DPP6: variants seen among roughly 807,000 people sequenced by gnomAD.
DPP6 encodes A-type potassium channel modulatory protein DPP6.
DPP6 carries 69 observed loss-of-function variants against 122.6 expected under a neutral mutation model. The ratio of observed to expected loss-of-function variants is 0.56; its 90% CI spans 0.46 to 0.69. DPP6 has a LOEUF of 0.69. Among genes scored for constraint, DPP6 ranks in the 30% least tolerant of loss-of-function variants. The pLI, the probability that DPP6 is intolerant of heterozygous loss-of-function variation, is 0.00. For missense variants in DPP6, 928 were observed against 1,116.9 expected, an observed-to-expected ratio of 0.83 and a Z score of 2.41; for synonymous variants, 418 against 433.1, an observed-to-expected ratio of 0.97 and a Z score of 0.43.
intron 1 of DPP6, among the ~76,000 whole-genome samples, chr7:154,302,406 G>A (rs992824930): frequency 1.3e-5 from 2 of 152,180 alleles, no homozygotes; most frequent in Admixed American, 6.5e-5. Flanking sequence ...TATGTAAAAA[G>A]GTGGGCAGCT....
At chr7:154,709,834 A>G (rs1841065514) in intron 7 of DPP6, among the ~76,000 whole-genome samples, 1 of 152,148 alleles carries the variant, frequency 6.6e-6, no homozygotes, top group Non-Finnish European at 1.5e-5. Flanking sequence ...AATTCCCACC[A>G]TCATCCAGTT....
chr7:154,740,298 CTTTT>C (rs11286104), intron 8 of DPP6, among the ~76,000 whole-genome samples: 1 of 143,528 alleles, frequency 7.0e-6, no homozygotes. Context: ...ACTCTAATTT[CTTTT>C]TTTTTTTTTT....
chr7:154,382,101 C>A (rs1333707256), intron 1 of DPP6, among the ~76,000 whole-genome samples: 1 of 137,368 alleles, frequency 7.3e-6, no homozygotes, highest in Non-Finnish European at 1.5e-5. Flanking sequence ...ATGATCTCTG[C>A]AGAAGCAGCA....
chr7:154,088,755 G>C (rs1804609667), intron 1 of DPP6, among the ~76,000 whole-genome samples: 2 of 152,112 alleles, frequency 1.3e-5, no homozygotes, highest in South Asian at 4.2e-4. Context: ...AGTTCTAGGA[G>C]ACACATTTTT....
the DPP6 span, among the ~76,000 whole-genome samples, chr7:153,839,584 A>C: frequency 6.6e-6 from 1 of 152,210 alleles, no homozygotes; most frequent in Non-Finnish European, 1.5e-5. Flanking sequence ...TCCTTTCTGA[A>C]GTCACAGCTG....
intron 1 of DPP6, among the ~76,000 whole-genome samples, chr7:154,230,194 G>T (rs543533852): frequency 2.0e-4 from 30 of 152,088 alleles, no homozygotes; most frequent in Non-Finnish European, 4.1e-4. Flanking sequence ...ATATGGATCT[G>T]ATGGTATGCA....
chr7:154,074,885 A>T (rs1334146172), intron 1 of DPP6, among the ~76,000 whole-genome samples: 1 of 151,468 alleles, frequency 6.6e-6, no homozygotes, highest in Non-Finnish European at 1.5e-5. Context: ...AGCGGGAGAA[A>T]ATATTTGCAA....
chr7:154,726,215 G>A (rs544705571), intron 7 of DPP6, among the ~76,000 whole-genome samples: 36 of 152,282 alleles, frequency 2.4e-4, no homozygotes, highest in South Asian at 1.4e-3. Context: ...AGCTCCACTA[G>A]GCAGTGCCCC....
At chr7:153,810,738 T>A in the DPP6 span, among the ~76,000 whole-genome samples, 1 of 147,498 alleles carries the variant, frequency 6.8e-6, no homozygotes, top group Non-Finnish European at 1.5e-5. Flanking sequence ...ATACCTATTC[T>A]ATGGCACATG....
chr7:153,989,821 G>C (rs1797063800), intron 1 of DPP6, among the ~76,000 whole-genome samples: 1 of 151,922 alleles, frequency 6.6e-6, no homozygotes, highest in South Asian at 2.1e-4. Context: ...CCAGGATAGG[G>C]ACAGCATGTC....
chr7:154,678,225 A>G (rs1307220514), intron 7 of DPP6, among the ~76,000 whole-genome samples: 2 of 152,334 alleles, frequency 1.3e-5, no homozygotes, highest in Non-Finnish European at 1.5e-5. Flanking sequence ...AAAGCTGGCC[A>G]CCGCCGCCCA....
At chr7:154,443,532 A>G (rs201424658) in intron 1 of DPP6, among the ~76,000 whole-genome samples, 1 of 101,644 alleles carries the variant, frequency 9.8e-6, no homozygotes, top group African/African-American at 6.4e-5. Flanking sequence ...GGATGGATGG[A>G]TGGATGGATG....
At chr7:154,390,842 T>C (rs1447134745) in intron 1 of DPP6, among the ~76,000 whole-genome samples, 1 of 152,132 alleles carries the variant, frequency 6.6e-6, no homozygotes, top group African/African-American at 2.4e-5. Context: ...CCCTCCCGAC[T>C]ACTCCTGTGC....
At chr7:154,547,213 C>T (rs914357843) in intron 4 of DPP6, among the ~76,000 whole-genome samples, 11 of 152,188 alleles carry the variant, frequency 7.2e-5, no homozygotes, top group African/African-American at 2.4e-4. Flanking sequence ...CAGCAATGGC[C>T]CATGAGCCAT....
Position 154,757,985 on chromosome 7 carries a change from C to T in DPP6, c.884-11432C>T, listed in dbSNP as rs192137544. On this transcript the variant is annotated intron_variant, in intron 8 of 25. Transcript: ENST00000377770. Reference sequence around the variant, plus strand: ...CGCGCTCTCCCCCCCGCCCTCTCCCCGCCGCCCTCTCCCGCCACGCACGGC... The same window carrying T: ...CGCGCTCTCCCCCCCGCCCTCTCCCTGCCGCCCTCTCCCGCCACGCACGGC... 5.7e-3 allele frequency among the ~76,000 whole-genome samples: 870 copies of T among 152,272 alleles called. 9 individuals are homozygous for T. The highest frequency in any genetic ancestry group is 0.019 in the African/African-American group (805 of 41,562).
At chr7:154,415,868 A>G (rs1161046719) in intron 1 of DPP6, among the ~76,000 whole-genome samples, 1 of 151,638 alleles carries the variant, frequency 6.6e-6, no homozygotes, top group Non-Finnish European at 1.5e-5. Context: ...AAGCAAGGCT[A>G]GAATTGTACT....
chr7:154,017,094 GTCTCAC>G (rs1798452904), intron 1 of DPP6, among the ~76,000 whole-genome samples: 2 of 152,152 alleles, frequency 1.3e-5, no homozygotes, highest in Admixed American at 1.3e-4. Flanking sequence ...TTGAGACAGG[GTCTCAC>G]TCTGTCACCT....
At chr7:154,053,148 TTG>T in intron 1 of DPP6, 85 bp downstream of exon 1, 3 of 772,944 alleles carry the variant, frequency 3.9e-6, no homozygotes, top group African/African-American at 1.9e-5. Flanking sequence ...GAAATTTTTT[TTG>T]GGGGGGGAAT....
intron 3 of DPP6, among the ~76,000 whole-genome samples, chr7:154,510,633 A>G (rs1418924440): frequency 6.6e-6 from 1 of 151,526 alleles, no homozygotes; most frequent in Non-Finnish European, 1.5e-5. Context: ...TGGGAGGTGG[A>G]GGTTACAATG....
Sources: gnomAD v4.1 joint callset for allele counts (sites outside exome capture counted in the v4.1 genomes callset) on GRCh38, gnomAD v4.1.1 for gene constraint, MANE v1.5 for transcripts, NCBI Gene and HGNC (gene_info 2026-07-23, HGNC 2026-07-21) for gene names.